Variants in CCDC28A observed in about 807,000 individuals in gnomAD.
CCDC28A encodes the protein coiled-coil domain-containing protein 28A.
A neutral mutation model predicts 22.1 loss-of-function variants in CCDC28A; 24 were observed. The ratio of observed to expected loss-of-function variants is 1.09; its 90% CI spans 0.79 to 1.53. CCDC28A has a LOEUF of 1.53. CCDC28A is among the 40% of genes most tolerant of loss of function. The pLI is 0.00. For missense variants in CCDC28A, 170 were observed against 210.7 expected, an observed-to-expected ratio of 0.81 and a Z score of 1.20; for synonymous variants, 83 against 74.7, an observed-to-expected ratio of 1.11 and a Z score of -0.57.
At position 138,776,403 on chromosome 6, in the gene CCDC28A, G is replaced by A. The variant is rs113967966; in HGVS notation, c.158+125G>A. 1.2e-4 allele frequency: 87 copies of A among 709,078 alleles called. 1 individual carries two copies. Among genetic ancestry groups the A allele is most frequent in the South Asian group, 1.1e-3 (62 of 56,090 alleles). The allele number at this position is 709,078 out of a possible 1,614,324, so 43.9% of individuals were successfully genotyped here. ...AAAACAGTTGAGGCACCCATTATGC[G>A]TGATTTAGAAGAAAAATTTATGAAA... On this transcript the variant is annotated intron_variant, in intron 2 of 5. Transcript: ENST00000617445.
Position 138,773,863 on chromosome 6 carries a change from GC to G in CCDC28A, c.-81del. On this transcript the variant is annotated 5_prime_UTR_variant, in exon 1 of 6. Coordinates refer to ENST00000617445, the MANE Select transcript of CCDC28A (RefSeq NM_015439.3). The stretch of plus-strand genomic sequence containing the variant: ...TGGCTTCTGAGGCTGTCGGGTCTTT[GC>G]GGGTTGCGGAAGGGGGCCCCAATAC... 1 of 1,614,002 alleles carries G rather than the reference GC, an allele frequency of 6.2e-7. No individual in the cohort carries two copies. The highest frequency in any genetic ancestry group is 8.5e-7 in the Non-Finnish European group (1 of 1,180,030).
chr6:138,778,382 T>C (rs1774967628), intron 2 of CCDC28A, among the ~76,000 whole-genome samples: 1 of 152,208 alleles, frequency 6.6e-6, no homozygotes, highest in Admixed American at 6.5e-5. Context: ...TTATCACTTT[T>C]AGGAAGCCTT....
At chr6:138,785,141 A>T in intron 3 of CCDC28A, 86 bp from the exon 4 acceptor site, 1 of 748,408 alleles carries the variant, frequency 1.3e-6, no homozygotes, top group Non-Finnish European at 2.1e-6. Flanking sequence ...TGTTTCTTTT[A>T]GAGCACCTAG....
chr6:138,783,476 C>T (rs1299364977), intron 3 of CCDC28A, among the ~76,000 whole-genome samples: 2 of 148,096 alleles, frequency 1.4e-5, no homozygotes, highest in Admixed American at 6.8e-5. Context: ...CTCGCTCTTT[C>T]GCCCAGGCTG....
At chr6:138,779,760 AAAATT>A in intron 2 of CCDC28A, 57 bp from the exon 3 acceptor site, 1 of 1,324,896 alleles carries the variant, frequency 7.5e-7, no homozygotes, top group Non-Finnish European at 1.0e-6. Flanking sequence ...ACTTCACTAA[AAAATT>A]AAGCAAAAGC....
At chr6:138,788,413 T>A in intron 5 of CCDC28A, 25 bp downstream of exon 5, 1 of 1,193,556 alleles carries the variant, frequency 8.4e-7, no homozygotes. Context: ...CTATCAACAG[T>A]GAAAAGTTTA....
chr6:138,777,001 A>G (rs1192025427), intron 2 of CCDC28A, among the ~76,000 whole-genome samples: 1 of 152,192 alleles, frequency 6.6e-6, no homozygotes, highest in African/African-American at 2.4e-5. Context: ...TAAAGGAAAC[A>G]GAAGTGACAA....
intron 5 of CCDC28A, among the ~76,000 whole-genome samples, chr6:138,791,091 A>G (rs12205733): frequency 0.15 from 22,725 of 151,988 alleles, 1,975 homozygotes; most frequent in Middle Eastern, 0.25. Context: ...AATGTTATAT[A>G]TATATATTTC....
intron 4 of CCDC28A, among the ~76,000 whole-genome samples, chr6:138,786,543 C>G (rs1049975916): frequency 6.6e-6 from 1 of 152,146 alleles, no homozygotes; most frequent in Non-Finnish European, 1.5e-5. Flanking sequence ...CCAATACTTT[C>G]ACTATTTCGA....
chr6:138,784,762 T>G (rs1157260687), intron 3 of CCDC28A, among the ~76,000 whole-genome samples: 1 of 152,028 alleles, frequency 6.6e-6, no homozygotes, highest in Non-Finnish European at 1.5e-5. Flanking sequence ...GGCACGATCT[T>G]GGCTCACTGC....
chr6:138,779,064 G>A (rs967239072), intron 2 of CCDC28A, among the ~76,000 whole-genome samples: 5 of 152,136 alleles, frequency 3.3e-5, no homozygotes, highest in South Asian at 2.1e-4. Context: ...CACTGTGCCC[G>A]GCCTACTGAA....
intron 3 of CCDC28A, among the ~76,000 whole-genome samples, chr6:138,783,538 C>T (rs938907916): frequency 5.9e-5 from 9 of 151,504 alleles, no homozygotes; most frequent in Non-Finnish European, 1.3e-4. Flanking sequence ...CCCAGATTCA[C>T]GCCATTCTCC....
intron 5 of CCDC28A, among the ~76,000 whole-genome samples, chr6:138,788,750 G>A (rs1294695531): frequency 6.6e-6 from 1 of 151,578 alleles, no homozygotes; most frequent in African/African-American, 2.4e-5. Context: ...CCCCCTTTGG[G>A]TTCCAAATGG....
At chr6:138,785,593 C>G (rs1775084494) in intron 4 of CCDC28A, among the ~76,000 whole-genome samples, 1 of 152,194 alleles carries the variant, frequency 6.6e-6, no homozygotes, top group Admixed American at 6.5e-5. Flanking sequence ...AACCCCTAAT[C>G]TACTTTCTGC....
chr6:138,787,988 A>AT (rs2114911380), intron 4 of CCDC28A, among the ~76,000 whole-genome samples: 1 of 123,934 alleles, frequency 8.1e-6, no homozygotes, highest in Non-Finnish European at 1.6e-5. Flanking sequence ...TCGACACAGC[A>AT]TCTCATTCTG....
chr6:138,790,385 G>A (rs1374626045), intron 5 of CCDC28A, among the ~76,000 whole-genome samples: 2 of 152,164 alleles, frequency 1.3e-5, no homozygotes, highest in Non-Finnish European at 2.9e-5. Flanking sequence ...TCCCGACTCA[G>A]GTGGTCTGCC....
chr6:138,773,838 T>C lies in CCDC28A; in HGVS notation c.-107T>C. 2 of 1,613,938 alleles carry C rather than the reference T, an allele frequency of 1.2e-6. No homozygotes were observed. The highest frequency in any genetic ancestry group is 1.7e-6 in the Non-Finnish European group (2 of 1,179,946). ...GGGGCTCTGCTTGTGGCTGCGGCGG[T>C]GGCTTCTGAGGCTGTCGGGTCTTTG... On this transcript the variant is annotated 5_prime_UTR_variant, in exon 1 of 6. Transcript: ENST00000617445.
In CCDC28A at chr6:138,776,137, T is replaced by C; in HGVS notation, c.17T>C (p.Val6Ala). Residue 6 changes from valine (V) to alanine (A), a missense_variant, in exon 2 of 6, where the codon GTG (valine) becomes GCG (alanine). By Grantham distance (64) the Val-to-Ala change is moderately conservative. Coordinates refer to ENST00000617445, the MANE Select transcript of CCDC28A (RefSeq NM_015439.3). ...CTTAAAACAATGGAAGAGCGGAAAG[T>C]GAAGAGGAGGAGTCCTAAGTCTTTT... MEERK[V>A]KRRSPKSFSA... 2 of 1,614,058 alleles carry C rather than the reference T, an allele frequency of 1.2e-6. No homozygotes were observed. The highest frequency in any genetic ancestry group is 1.1e-5 in the South Asian group (1 of 91,074).
chr6:138,775,962 T>A (rs1190445197), intron 1 of CCDC28A, 117 bp from the exon 2 acceptor site: 2 of 810,922 alleles, frequency 2.5e-6, no homozygotes, highest in East Asian at 5.3e-5. Flanking sequence ...TTTCTAACTT[T>A]CTCTTATGCC....
Sources: allele counts gnomAD v4.1 joint callset (sites outside exome capture counted in the v4.1 genomes callset), GRCh38; gene constraint gnomAD v4.1.1; transcripts MANE v1.5; gene names NCBI Gene and HGNC (gene_info 2026-07-23, HGNC 2026-07-21).